EIF3A: variants seen among roughly 807,000 people sequenced by gnomAD.
EIF3A encodes eukaryotic translation initiation factor 3 subunit A, also known as EIF3, p180 subunit.
A neutral mutation model predicts 186.6 loss-of-function variants in EIF3A; 21 were observed. The ratio of observed to expected loss-of-function variants is 0.11; its 90% confidence interval spans 0.08 to 0.16. EIF3A has a LOEUF of 0.16. Ranked by LOEUF, EIF3A falls within the 10% of genes least tolerant of loss-of-function variation. The pLI is 1.00. For missense variants in EIF3A, 1,306 were observed against 1,796.3 expected, an observed-to-expected ratio of 0.73 and a Z score of 4.93; for synonymous variants, 563 against 584.3, an observed-to-expected ratio of 0.96 and a Z score of 0.52.
Position 119,036,167 on chromosome 10 carries a change from T to G in EIF3A, c.4021A>C (p.Arg1341=). The change falls in exon 22 of 22, where the codon AGA becomes CGA. Residue 1341 remains arginine, a synonymous_variant. Coordinates refer to ENST00000369144, the MANE Select transcript of EIF3A (RefSeq NM_003750.4). ...CCTTCTCTTTCTCGGTCTCGGTCTCTTTCTCGGTCTCTTGAAAGAGCTGGG... is the reference window on the plus strand; with the variant it reads ...CCTTCTCTTTCTCGGTCTCGGTCTCGTTCTCGGTCTCTTGAAAGAGCTGGG... ...PPPALSRDRE[R]DRDREREGEK... 6.2e-7 allele frequency: 1 copy of G among 1,613,752 alleles called. No homozygotes were observed.
chr10:119,073,198 T>C, intron 3 of EIF3A, 145 bp from the exon 4 acceptor site: 1 of 782,220 alleles, frequency 1.3e-6, no homozygotes, highest in Non-Finnish European at 2.0e-6. Flanking sequence ...ATCTACTCCC[T>C]GAATTCCCAA....
chr10:119,050,224 G>A (rs1016937647), intron 16 of EIF3A, among the ~76,000 whole-genome samples: 2 of 152,042 alleles, frequency 1.3e-5, no homozygotes, highest in Admixed American at 1.3e-4. Flanking sequence ...TGGGATTCCA[G>A]ATATAGCATC....
intron 1 of EIF3A, among the ~76,000 whole-genome samples, chr10:119,074,493 G>A (rs929578707): frequency 2.0e-5 from 3 of 151,744 alleles, no homozygotes; most frequent in Non-Finnish European, 4.4e-5. Flanking sequence ...AATAAATAAT[G>A]TGTCGGTATT....
rs987060606 is a variant in EIF3A, at chr10:119,051,932, A to C, written c.2197-611T>G. Among the ~76,000 whole-genome samples the C allele has an allele frequency of 5.3e-5, 8 of 152,228 alleles. No individual in the cohort carries two copies. In the South Asian group the frequency reaches 1.7e-3, roughly 32 times the overall value. ...CTAATGATCACCTGAGCCTTCAATG[A>C]GTCATAATCTTTTTGCTAGTGGAGT... On this transcript the variant is annotated intron_variant, in intron 14 of 21. Coordinates refer to ENST00000369144, the MANE Select transcript of EIF3A (RefSeq NM_003750.4).
chr10:119,068,614 A>C (rs1281769334), intron 6 of EIF3A, among the ~76,000 whole-genome samples: 1 of 151,998 alleles, frequency 6.6e-6, no homozygotes, highest in Non-Finnish European at 1.5e-5. Flanking sequence ...AGGCGGAGTG[A>C]GATCGCATCA....
At chr10:119,060,712 C>A (rs3740555) in intron 9 of EIF3A, 34 bp downstream of exon 9, 1,463,222 of 1,543,676 alleles carry the variant, frequency 0.95, 699,943 homozygotes, top group Non-Finnish European at 0.97. Flanking sequence ...GAGCACATAA[C>A]ATCACAAAAC....
intron 14 of EIF3A, 28 bp from the exon 15 acceptor site, chr10:119,051,349 A>G: frequency 6.5e-7 from 1 of 1,547,594 alleles, no homozygotes; most frequent in Non-Finnish European, 8.7e-7. Flanking sequence ...GTGAAATTTC[A>G]ATGCACTTTT....
chr10:119,050,176 A>G (rs1332846847), intron 16 of EIF3A, among the ~76,000 whole-genome samples, 191 bp from the exon 17 acceptor site: 1 of 152,230 alleles, frequency 6.6e-6, no homozygotes, highest in African/African-American at 2.4e-5. Context: ...TAGTTTTGTA[A>G]TAAGATACTA....
chr10:119,033,993 G>A lies in EIF3A; in HGVS notation c.*2046C>T, dbSNP rs1019825966. On this transcript the variant is annotated 3_prime_UTR_variant, in exon 22 of 22. Coordinates refer to ENST00000369144, the MANE Select transcript of EIF3A (RefSeq NM_003750.4). ...GAGATGCAAAGTCTTTTGGACCGAT[G>A]ATGTCTCTACTACTGGATCTATCTG... The A allele has an allele frequency of 1.2e-5, 2 of 167,046 alleles. No homozygotes were observed. Among genetic ancestry groups the A allele is most frequent in the Admixed American group, 1.3e-4 (2 of 15,278 alleles). 10.3% of individuals were successfully genotyped at this position (167,046 alleles called of 1,614,324 possible).
intron 19 of EIF3A, among the ~76,000 whole-genome samples, 197 bp downstream of exon 19, chr10:119,041,797 G>A (rs868399510): frequency 3.9e-5 from 6 of 152,340 alleles, no homozygotes; most frequent in Middle Eastern, 3.4e-3. Flanking sequence ...AAAGAAGAGA[G>A]GGGTTGGGTT....
intron 11 of EIF3A, among the ~76,000 whole-genome samples, chr10:119,058,836 T>C (rs537899430): frequency 7.2e-5 from 11 of 152,260 alleles, no homozygotes; most frequent in South Asian, 2.1e-4. Flanking sequence ...TGAGCCGAGA[T>C]GGCATCACTG....
At chr10:119,040,850 CA>C (rs1459138987) in intron 19 of EIF3A, among the ~76,000 whole-genome samples, 2 of 151,818 alleles carry the variant, frequency 1.3e-5, no homozygotes, top group Non-Finnish European at 2.9e-5. Context: ...ACTAAAAATA[CA>C]AAAAATTAGC....
At chr10:119,067,058 C>G (rs1267087926) in intron 6 of EIF3A, among the ~76,000 whole-genome samples, 2 of 151,066 alleles carry the variant, frequency 1.3e-5, no homozygotes, top group Non-Finnish European at 3.0e-5. Flanking sequence ...ACTAAAAATA[C>G]AAAAAAAATT....
At position 119,065,416 on chromosome 10, in the gene EIF3A, C is replaced by A; in HGVS notation, c.1105G>T (p.Gly369Cys). Residue 369 changes from glycine (G) to cysteine (C), a missense_variant, in exon 7 of 22, where the codon GGC (glycine) becomes TGC (cysteine). Around this residue, in one of 8 missense-constraint regions of EIF3A, gnomAD observed 267 missense variants for 367.8 expected, o/e 0.73. Coordinates refer to ENST00000369144, the MANE Select transcript of EIF3A (RefSeq NM_003750.4). ...LGLQAPPTRIGLINDMVRFNV... is the reference protein window; with the variant it reads ...LGLQAPPTRICLINDMVRFNV... ...ATACTAACCATATCATTAATAAGGC[C>A]AATTCGTGTCGGTGGGGCTTGAAGA... The A allele has an allele frequency of 6.2e-7, 1 of 1,612,112 alleles. No homozygotes were observed. The highest frequency in any genetic ancestry group is 8.5e-7 in the Non-Finnish European group (1 of 1,179,004).
chr10:119,066,006 C>G (rs1214835199), intron 6 of EIF3A, among the ~76,000 whole-genome samples: 1 of 152,016 alleles, frequency 6.6e-6, no homozygotes, highest in East Asian at 1.9e-4. Context: ...GTCCCAGCTA[C>G]TCAGGAGGCT....
rs778928763 is a variant in EIF3A at position 119,049,962 on chromosome 10, C to T, written c.2497G>A (p.Glu833Lys). 20 of 1,613,902 alleles carry T rather than the reference C, an allele frequency of 1.2e-5. No homozygotes were observed. The highest frequency in any genetic ancestry group is 2.7e-5 in the African/African-American group (2 of 74,856). ...LKEREERERA[E>K]RAKREEELRE... The stretch of plus-strand genomic sequence containing the variant: ...AGCTCTTCCTCGCGTTTTGCTCGTT[C>T]GGCGCGCTCTCTCTCTTCCCGCTCT... The change falls in exon 17 of 22, where the codon GAA becomes AAA. Residue 833 changes from glutamate (E) to lysine (K), a missense_variant. This residue lies in a region of EIF3A where 410 missense variants were observed against 473.5 expected (regional missense o/e 0.87). Transcript: ENST00000369144.
intron 3 of EIF3A, 56 bp from the exon 4 acceptor site, chr10:119,073,109 G>A (rs1844105362): frequency 1.3e-6 from 2 of 1,510,832 alleles, no homozygotes; most frequent in Non-Finnish European, 1.8e-6. Context: ...TTTGCCATGT[G>A]ATTAAAAACC....
At chr10:119,049,511 A>G (rs1168410731) in intron 17 of EIF3A, among the ~76,000 whole-genome samples, 1 of 146,304 alleles carries the variant, frequency 6.8e-6, no homozygotes, top group Non-Finnish European at 1.5e-5. Context: ...AAAAAAAAAG[A>G]GAAAGAGATG....
At chr10:119,036,295 AT>A in intron 21 of EIF3A, 27 bp from the exon 22 acceptor site, 2 of 1,472,144 alleles carry the variant, frequency 1.4e-6, no homozygotes, top group Non-Finnish European at 1.9e-6. Context: ...AAAAAAAAAA[AT>A]TAAGTTAGTA....
Sources: allele counts gnomAD v4.1 joint callset (sites outside exome capture counted in the v4.1 genomes callset), GRCh38; gene constraint gnomAD v4.1.1; regional missense constraint gnomAD v4.1.1; transcripts MANE v1.5; gene names NCBI Gene and HGNC (gene_info 2026-07-23, HGNC 2026-07-21).